Variants in CLTCL1 observed in about 807,000 individuals in gnomAD.
CLTCL1 encodes clathrin heavy chain like 1.
In CLTCL1, 159 loss-of-function variants were observed where a neutral mutation model predicts 190.0. That is an observed-to-expected ratio of 0.84 (90% CI 0.74 to 0.95). The LOEUF (loss-of-function observed/expected upper bound fraction) is 0.95, where lower values mean the gene tolerates loss of function less well. Ranked by LOEUF, CLTCL1 falls within the 40% of genes least tolerant of loss-of-function variation. The pLI is 0.00. For synonymous variants in CLTCL1, 752 were observed against 769.6 expected, an observed-to-expected ratio of 0.98 and a Z score of 0.38; for missense variants, 1,878 against 2,033.4, an observed-to-expected ratio of 0.92 and a Z score of 1.47.
At chr22:19,225,270 G>T (rs911551454) in intron 13 of CLTCL1, among the ~76,000 whole-genome samples, 183 bp downstream of exon 13, 4 of 152,210 alleles carry the variant, frequency 2.6e-5, no homozygotes, top group Non-Finnish European at 5.9e-5. Flanking sequence ...AAAGGTTACT[G>T]AAGCTGAGGG....
intron 22 of CLTCL1, 176 bp downstream of exon 22, chr22:19,207,978 A>G: frequency 2.8e-6 from 2 of 716,476 alleles, no homozygotes; most frequent in South Asian, 3.0e-5. Context: ...AATAAAGTGG[A>G]CAATAAATGT....
Position 19,243,798 on chromosome 22 carries a change from C to T in CLTCL1, c.520-862G>A, listed in dbSNP as rs546648954. 6.6e-4 allele frequency among the ~76,000 whole-genome samples: 98 copies of T among 148,702 alleles called. 1 individual carries two copies. Among genetic ancestry groups the T allele is most frequent in the Non-Finnish European group, 1.3e-3 (86 of 67,466 alleles). ...CTGCAAGCTTCGCCTCCTGGGTTCA[C>T]GCCATTCTCCTGCCTCAGCCTCCTG... On this transcript the variant is annotated intron_variant, in intron 3 of 32. Transcript: ENST00000427926.
intron 10 of CLTCL1, among the ~76,000 whole-genome samples, chr22:19,232,088 A>G (rs1178052425): frequency 3.3e-5 from 5 of 152,166 alleles, no homozygotes; most frequent in Non-Finnish European, 7.4e-5. Context: ...TCAGACACCC[A>G]CAGGATGAAC....
chr22:19,281,306 AAAAAAG>A (rs1167647382), intron 1 of CLTCL1, among the ~76,000 whole-genome samples: 2 of 152,054 alleles, frequency 1.3e-5, no homozygotes, highest in African/African-American at 4.8e-5. Flanking sequence ...AAAAAAAAAA[AAAAAAG>A]AAAAGAGTTT....
chr22:19,199,058 G>A (rs142223731), intron 24 of CLTCL1, among the ~76,000 whole-genome samples: 13 of 152,226 alleles, frequency 8.5e-5, no homozygotes, highest in East Asian at 1.9e-4. Context: ...TCCAGACAAC[G>A]TCTCACATAG....
In CLTCL1 at chr22:19,191,208, T is replaced by A; in HGVS notation, c.4323+96A>T. On this transcript the variant is annotated intron_variant, in intron 27 of 32. Transcript: ENST00000427926. ...GGTGAATCTTCAAGTCAGCTGGGGG[T>A]CATTTCAAAAACTCTTTATAAAGGT... 2.1e-6 allele frequency: 3 copies of A among 1,460,658 alleles called. No individual in the cohort carries two copies. In the South Asian group the frequency reaches 3.8e-5, roughly 19 times the overall value. 90.5% of individuals were successfully genotyped at this position (1,460,658 alleles called of 1,614,324 possible).
intron 30 of CLTCL1, chr22:19,181,766 C>G (rs1555925954): frequency 6.6e-6 from 1 of 152,330 alleles, no homozygotes; most frequent in East Asian, 1.9e-4. Context: ...ATGCCACTGA[C>G]TGGGAAACCC....
intron 2 of CLTCL1, among the ~76,000 whole-genome samples, chr22:19,266,773 T>G (rs1015235496): frequency 6.6e-6 from 1 of 152,180 alleles, no homozygotes; most frequent in African/African-American, 2.4e-5. Flanking sequence ...ATTTATGTAA[T>G]ACACCACACT....
chr22:19,232,720 G>T, intron 9 of CLTCL1, 122 bp from the exon 10 acceptor site: 2 of 1,248,678 alleles, frequency 1.6e-6, no homozygotes, highest in Non-Finnish European at 2.2e-6. Context: ...ACATTATCAT[G>T]TGTAGGTACC....
rs782242284 is a variant in CLTCL1, at chr22:19,210,409, C to T, written c.3166G>A (p.Ala1056Thr). 2.7e-5 allele frequency: 44 copies of T among 1,613,882 alleles called. No individual in the cohort carries two copies. The highest frequency in any genetic ancestry group is 8.0e-5 in the African/African-American group (6 of 74,926). ...RLDNYDALDI[A>T]SIAVSSALYE... Reference sequence around the variant, plus strand: ...AGTGCGCTGCTGACAGCGATGCTCGCGATGTCCAGTGCGTCATAGTTGTCC... The same window carrying T: ...AGTGCGCTGCTGACAGCGATGCTCGTGATGTCCAGTGCGTCATAGTTGTCC... The change falls in exon 20 of 33, where the codon GCG becomes ACG. Residue 1056 changes from alanine (A) to threonine (T), a missense_variant. Transcript: ENST00000427926.
At chr22:19,184,324 T>G (rs2084239543) in intron 29 of CLTCL1, 1 of 377,288 alleles carries the variant, frequency 2.7e-6, no homozygotes, top group Admixed American at 3.0e-5. Flanking sequence ...CCACTGACTG[T>G]GACCTGTGCT....
chr22:19,242,539 C>T (rs1394464324), intron 4 of CLTCL1, among the ~76,000 whole-genome samples: 1 of 151,530 alleles, frequency 6.6e-6, no homozygotes, highest in Non-Finnish European at 1.5e-5. Context: ...CGTGATCCAC[C>T]CTCTTCGGCC....
At chr22:19,230,514 G>A (rs1458133428) in intron 10 of CLTCL1, among the ~76,000 whole-genome samples, 1 of 152,070 alleles carries the variant, frequency 6.6e-6, no homozygotes, top group Non-Finnish European at 1.5e-5. Flanking sequence ...TTGAGCCCAG[G>A]AGTTGAGACC....
At chr22:19,258,097 C>CA (rs1331710365) in intron 2 of CLTCL1, 1 of 423,796 alleles carries the variant, frequency 2.4e-6, no homozygotes, top group African/African-American at 2.1e-5. Flanking sequence ...CTGATGACAC[C>CA]AGTGTCACTG....
chr22:19,291,281 G>A (rs1041127739), intron 1 of CLTCL1, among the ~76,000 whole-genome samples: 1 of 152,180 alleles, frequency 6.6e-6, no homozygotes, highest in African/African-American at 2.4e-5. Flanking sequence ...GCGGCCCTTG[G>A]GTTGCCCTGC....
At chr22:19,283,300 A>G (rs1394729756) in intron 1 of CLTCL1, among the ~76,000 whole-genome samples, 2 of 151,346 alleles carry the variant, frequency 1.3e-5, no homozygotes, top group Non-Finnish European at 2.9e-5. Context: ...CTTTCTTTTG[A>G]GACAGAGTCT....
At chr22:19,248,810 C>T (rs1213371364) in intron 3 of CLTCL1, among the ~76,000 whole-genome samples, 1 of 152,196 alleles carries the variant, frequency 6.6e-6, no homozygotes, top group African/African-American at 2.4e-5. Context: ...CTCAGCCTCC[C>T]TCCCAAAGTG....
intron 2 of CLTCL1, among the ~76,000 whole-genome samples, chr22:19,263,302 T>C (rs1268291074): frequency 6.6e-6 from 1 of 151,686 alleles, no homozygotes; most frequent in Non-Finnish European, 1.5e-5. Flanking sequence ...CTGTATTCTT[T>C]GCCATGCTGC....
rs1303176160 is a variant in CLTCL1 at position 19,253,896 on chromosome 22, C to G, written c.519+63G>C. Reference sequence around the variant, plus strand: ...ACCAACTTCTAATGATTTAACCACTCCATTCTAATATTGGGCTTTGAAGTT... The same window carrying G: ...ACCAACTTCTAATGATTTAACCACTGCATTCTAATATTGGGCTTTGAAGTT... On this transcript the variant is annotated intron_variant, in intron 3 of 32. Coordinates refer to ENST00000427926, the MANE Select transcript of CLTCL1 (RefSeq NM_007098.4). The G allele has an allele frequency of 1.9e-6, 3 of 1,563,248 alleles. No homozygotes were observed. The African/African-American group carries it at 4.1e-5, about 21-fold the overall frequency.
Sources: gnomAD v4.1 joint callset for allele counts (sites outside exome capture counted in the v4.1 genomes callset) on GRCh38, gnomAD v4.1.1 for gene constraint, MANE v1.5 for transcripts, NCBI Gene and HGNC (gene_info 2026-07-23, HGNC 2026-07-21) for gene names.